Variants in FSIP1 observed in about 807,000 individuals in gnomAD.
The protein encoded by FSIP1 is fibrous sheath interacting protein 1, also known as fibrous sheath-interacting protein 1.
Under a neutral mutation model 60.9 loss-of-function variants are expected in FSIP1, and 65 were observed. The ratio of observed to expected loss-of-function variants is 1.07; its 90% CI spans 0.87 to 1.31. The LOEUF (loss-of-function observed/expected upper bound fraction) is 1.31, where lower values mean the gene tolerates loss of function less well. Among genes scored for constraint, FSIP1 ranks in the 40% most tolerant of loss-of-function variants. FSIP1 has a pLI of 0.00. For missense variants in FSIP1, 675 were observed against 665.5 expected (o/e 1.01, Z -0.16); for synonymous variants, 209 against 221.2 (o/e 0.94, Z 0.49).
chr15:39,618,155 A>G lies in FSIP1; in HGVS notation c.1279T>C (p.Ser427Pro), dbSNP rs1891308392. 6.2e-7 allele frequency: 1 copy of G among 1,614,088 alleles called. No homozygotes were observed. The highest frequency in any genetic ancestry group is 8.5e-7 in the Non-Finnish European group (1 of 1,179,986). The stretch of plus-strand genomic sequence containing the variant: ...TCAATGTCTTCCTTTTTTCTTTCTG[A>G]AGAAAGTTTAATGATGGATTTTTGT... ...LKQKSIIKLSSERKKEDIEDV... is the reference protein window; with the variant it reads ...LKQKSIIKLSPERKKEDIEDV... Residue 427 changes from serine to proline, a missense_variant, in exon 11 of 12, where the codon TCA (serine) becomes CCA (proline). Transcript: ENST00000350221.
At chr15:39,705,791 A>G (rs1480805965) in intron 10 of FSIP1, among the ~76,000 whole-genome samples, 1 of 152,162 alleles carries the variant, frequency 6.6e-6, no homozygotes, top group East Asian at 1.9e-4. Flanking sequence ...TGAGGTCAGG[A>G]GTTCGAGACC....
chr15:39,774,222 C>A lies in FSIP1; in HGVS notation c.126+2177G>T, dbSNP rs542613900. ...TATAGGCCAGACGCAGTGGCTCATGCCTGTAATCCCAGCACTTTGGGAGGC... is the reference window on the plus strand; with the variant it reads ...TATAGGCCAGACGCAGTGGCTCATGACTGTAATCCCAGCACTTTGGGAGGC... On this transcript the variant is annotated intron_variant, in intron 2 of 11. Transcript: ENST00000350221. Among the ~76,000 whole-genome samples, 14 of 152,264 alleles carry A rather than the reference C, an allele frequency of 9.2e-5. No homozygotes were observed. In the East Asian group the frequency reaches 2.5e-3, roughly 27 times the overall value.
intron 10 of FSIP1, among the ~76,000 whole-genome samples, chr15:39,652,737 A>G (rs911708323): frequency 2.0e-5 from 3 of 152,090 alleles, no homozygotes; most frequent in African/African-American, 4.8e-5. Context: ...CCTACTATAC[A>G]CCTAGGCTAT....
intron 5 of FSIP1, among the ~76,000 whole-genome samples, chr15:39,749,277 C>A (rs1183442588): frequency 2.6e-4 from 14 of 52,850 alleles, no homozygotes; most frequent in East Asian, 1.1e-3. Context: ...AAAAAAAAAA[C>A]CAGGCTAGAG....
intron 10 of FSIP1, among the ~76,000 whole-genome samples, chr15:39,679,637 T>G (rs769289971): frequency 1.3e-5 from 2 of 152,164 alleles, no homozygotes; most frequent in Non-Finnish European, 2.9e-5. Flanking sequence ...AAAATCCTCA[T>G]GTAAAGATAA....
In FSIP1 at chr15:39,719,540, C is replaced by G. The variant is rs377065177; in HGVS notation, c.1051-5959G>C. On this transcript the variant is annotated intron_variant, in intron 9 of 11. Coordinates refer to ENST00000350221, the MANE Select transcript of FSIP1 (RefSeq NM_152597.5). ...TAAACTCATTTTCAAAAATCAAAAA[C>G]AGCAAATTACCCGCAGCTTCGTAAG... is the stretch of plus-strand genomic sequence containing the variant. Among the ~76,000 whole-genome samples the G allele has an allele frequency of 8.5e-5, 13 of 152,170 alleles. No individual in the cohort carries two copies. In the East Asian group the frequency reaches 1.7e-3, roughly 20 times the overall value.
intron 1 of FSIP1, 111 bp from the exon 2 acceptor site, chr15:39,776,642 C>T: frequency 2.1e-6 from 2 of 970,698 alleles, no homozygotes; most frequent in African/African-American, 1.6e-5. Flanking sequence ...GATTATGTTG[C>T]TACTGAAGTC....
At chr15:39,615,511 C>T (rs2140376737) in intron 11 of FSIP1, among the ~76,000 whole-genome samples, 1 of 151,206 alleles carries the variant, frequency 6.6e-6, no homozygotes, top group Admixed American at 6.6e-5. Context: ...TGAAAAAATA[C>T]TTAGCATCAT....
intron 10 of FSIP1, among the ~76,000 whole-genome samples, chr15:39,705,368 C>A (rs544128420): frequency 1.3e-5 from 2 of 151,964 alleles, no homozygotes; most frequent in African/African-American, 4.8e-5. Flanking sequence ...AACACTCACA[C>A]CTCTGAAAAA....
chr15:39,604,404 A>T (rs898927970), intron 11 of FSIP1, among the ~76,000 whole-genome samples: 8 of 152,266 alleles, frequency 5.3e-5, no homozygotes, highest in African/African-American at 1.7e-4. Context: ...ATTACAATTA[A>T]ATATCAAAAC....
intron 10 of FSIP1, among the ~76,000 whole-genome samples, chr15:39,702,749 ATT>A: frequency 6.6e-6 from 1 of 151,534 alleles, no homozygotes; most frequent in South Asian, 2.1e-4. Context: ...ATTATACTTA[ATT>A]ATATTCACAT....
intron 5 of FSIP1, among the ~76,000 whole-genome samples, chr15:39,743,289 C>T (rs1896866394): frequency 6.6e-6 from 1 of 152,188 alleles, no homozygotes; most frequent in African/African-American, 2.4e-5. Context: ...GACCCTGTGG[C>T]TCTTTGCCCA....
intron 2 of FSIP1, among the ~76,000 whole-genome samples, chr15:39,774,097 A>C (rs1180377948): frequency 6.6e-6 from 1 of 152,234 alleles, no homozygotes; most frequent in Non-Finnish European, 1.5e-5. Context: ...TAATATCACA[A>C]AGTTAGAAAT....
intron 9 of FSIP1, among the ~76,000 whole-genome samples, chr15:39,714,345 T>C (rs1895651724): frequency 6.6e-6 from 1 of 151,964 alleles, no homozygotes; most frequent in African/African-American, 2.4e-5. Context: ...AGGAATTTGG[T>C]CCTGTATCTA....
rs56106819 is a variant in FSIP1 at position 39,732,619 on chromosome 15, C to CAAAAAA, written c.891+5466_891+5471dup. Among the ~76,000 whole-genome samples the CAAAAAA allele has an allele frequency of 8.2e-3, 660 of 80,052 alleles. 22 individuals are homozygous for CAAAAAA. The highest frequency in any genetic ancestry group is 0.027 in the African/African-American group (621 of 23,268). 52.5% of individuals were successfully genotyped at this position (80,052 alleles called of 152,430 possible). A position where few individuals can be genotyped will look rare whatever the true frequency, so the allele number is the denominator to read the frequency against. ...GGGTGACAAGAGTGAAACTCCATCT[C>CAAAAAA]AAAAAAAAAAAAAAAAAAAAAATTA... On this transcript the variant is annotated intron_variant, in intron 8 of 11. Coordinates refer to ENST00000350221, the MANE Select transcript of FSIP1 (RefSeq NM_152597.5).
intron 11 of FSIP1, among the ~76,000 whole-genome samples, chr15:39,601,853 G>C (rs1481666086): frequency 2.0e-5 from 3 of 152,124 alleles, no homozygotes; most frequent in African/African-American, 7.3e-5. Context: ...CAAATTCACA[G>C]AGACAGAAAG....
chr15:39,636,843 G>A (rs1327529024), intron 10 of FSIP1, among the ~76,000 whole-genome samples: 1 of 152,152 alleles, frequency 6.6e-6, no homozygotes, highest in East Asian at 1.9e-4. Context: ...TTCTTTTAGT[G>A]TACTCGTAGA....
intron 10 of FSIP1, among the ~76,000 whole-genome samples, chr15:39,655,204 G>T (rs1020407016): frequency 9.9e-5 from 15 of 152,252 alleles, no homozygotes; most frequent in African/African-American, 3.6e-4. Flanking sequence ...TATATGAAAA[G>T]AGATTTAAAA....
chr15:39,764,546 T>C (rs1897616318), intron 4 of FSIP1, among the ~76,000 whole-genome samples: 1 of 152,240 alleles, frequency 6.6e-6, no homozygotes, highest in Non-Finnish European at 1.5e-5. Context: ...CAATCTCTTA[T>C]GACAAGGTTC....
Sources: gnomAD v4.1 joint callset for allele counts (sites outside exome capture counted in the v4.1 genomes callset) on GRCh38, gnomAD v4.1.1 for gene constraint, MANE v1.5 for transcripts, NCBI Gene and HGNC (gene_info 2026-07-23, HGNC 2026-07-21) for gene names.